AK5: variants seen among roughly 807,000 people sequenced by gnomAD.
The protein encoded by AK5 is adenylate kinase 5.
Under a neutral mutation model 69.5 loss-of-function variants are expected in AK5, and 27 were observed. The observed-to-expected ratio is 0.39, with a 90% CI of 0.29 to 0.54. The LOEUF is 0.54. AK5 is among the 20% of genes least tolerant of loss of function. The pLI is 0.71. For synonymous variants in AK5, 260 were observed against 244.4 expected, an observed-to-expected ratio of 1.06 and a Z score of -0.60; for missense variants, 531 against 700.4, an observed-to-expected ratio of 0.76 and a Z score of 2.73.
intron 8 of AK5, among the ~76,000 whole-genome samples, chr1:77,442,678 A>G (rs1652401380): frequency 6.6e-6 from 1 of 152,046 alleles, no homozygotes; most frequent in Non-Finnish European, 1.5e-5. Context: ...TTAAAATGTA[A>G]TTATTTCTTC....
At chr1:77,475,466 T>A (rs1206823001) in intron 8 of AK5, among the ~76,000 whole-genome samples, 1 of 2,430 alleles carries the variant, frequency 4.1e-4, no homozygotes, top group East Asian at 0.02. Context: ...AAATATATAT[T>A]ATATATGTAT....
At chr1:77,412,263 T>C (rs1216268887) in intron 7 of AK5, among the ~76,000 whole-genome samples, 1 of 152,144 alleles carries the variant, frequency 6.6e-6, no homozygotes, top group East Asian at 1.9e-4. Context: ...CTGGTTTCTG[T>C]ACCAATAGGA....
chr1:77,499,026 A>G (rs1656534163), intron 10 of AK5, among the ~76,000 whole-genome samples: 1 of 152,204 alleles, frequency 6.6e-6, no homozygotes, highest in Non-Finnish European at 1.5e-5. Context: ...TAGCTGACAC[A>G]TTCTTGCAGT....
chr1:77,337,768 C>T (rs767713266), intron 5 of AK5, among the ~76,000 whole-genome samples: 18 of 151,984 alleles, frequency 1.2e-4, no homozygotes, highest in South Asian at 4.1e-4. Context: ...TACTTTGCAG[C>T]GGGGAAAACT....
intron 12 of AK5, among the ~76,000 whole-genome samples, chr1:77,528,519 C>T (rs556199769): frequency 1.3e-5 from 2 of 152,284 alleles, no homozygotes; most frequent in South Asian, 2.1e-4. Context: ...CATATGACAT[C>T]GCTAAAAATC....
rs1417977401 is a variant in AK5, at chr1:77,368,232, TATATATATA to T, written c.891+27665_891+27673del. Among the ~76,000 whole-genome samples, 3 of 26,916 alleles carry T rather than the reference TATATATATA, an allele frequency of 1.1e-4. 1 individual carries two copies. Among genetic ancestry groups the T allele is most frequent in the African/African-American group, 2.7e-4 (3 of 11,258 alleles). The allele number at this position is 26,916 out of a possible 152,430, so 17.7% of individuals were successfully genotyped here. ...TAGAGATACTATATATATATATATA[TATATATATA>T]TATATATATATAATATATATGTTAT... On this transcript the variant is annotated intron_variant, in intron 6 of 13. Transcript: ENST00000354567.
At chr1:77,533,526 A>C (rs1163088560) in intron 12 of AK5, among the ~76,000 whole-genome samples, 8 of 149,612 alleles carry the variant, frequency 5.3e-5, no homozygotes, top group South Asian at 2.2e-4. Flanking sequence ...AAAAAAAAAA[A>C]AAAAAAAAAC....
intron 12 of AK5, among the ~76,000 whole-genome samples, chr1:77,526,263 CCTGT>C (rs1303453087): frequency 1.3e-5 from 2 of 151,960 alleles, no homozygotes; most frequent in Non-Finnish European, 2.9e-5. Flanking sequence ...TGAGAAGCTT[CCTGT>C]CTATGAGGAT....
chr1:77,399,316 C>T (rs1277361738), intron 6 of AK5, among the ~76,000 whole-genome samples: 3 of 152,154 alleles, frequency 2.0e-5, no homozygotes, highest in African/African-American at 2.4e-5. Context: ...TTCCGAACCC[C>T]GATTACCACC....
chr1:77,346,138 T>C (rs1323754893), intron 6 of AK5: 1 of 152,148 alleles, frequency 6.6e-6, no homozygotes, highest in Non-Finnish European at 1.5e-5. Context: ...CTGAGTAGAC[T>C]GAGGAGGAGG....
intron 5 of AK5, among the ~76,000 whole-genome samples, chr1:77,303,488 A>G (rs1382099075): frequency 6.6e-6 from 1 of 152,206 alleles, no homozygotes; most frequent in Non-Finnish European, 1.5e-5. Context: ...TGCTTTATAT[A>G]TTTGCAAATC....
At chr1:77,467,944 A>G (rs561938587) in intron 8 of AK5, among the ~76,000 whole-genome samples, 2 of 152,294 alleles carry the variant, frequency 1.3e-5, no homozygotes, top group African/African-American at 2.4e-5. Flanking sequence ...AAGCACAGGA[A>G]AGGAATGGCT....
chr1:77,305,464 T>C (rs1487963302), intron 5 of AK5, among the ~76,000 whole-genome samples: 1 of 152,206 alleles, frequency 6.6e-6, no homozygotes, highest in Admixed American at 6.5e-5. Context: ...GTTTCATAGT[T>C]TGAGGTCTTG....
At chr1:77,518,087 CTT>C (rs1657768783) in intron 10 of AK5, among the ~76,000 whole-genome samples, 1 of 152,198 alleles carries the variant, frequency 6.6e-6, no homozygotes, top group South Asian at 2.1e-4. Flanking sequence ...AATAAAAACA[CTT>C]ATTTTTTTAA....
chr1:77,353,648 G>C (rs1157063119), intron 6 of AK5, among the ~76,000 whole-genome samples: 3 of 152,064 alleles, frequency 2.0e-5, no homozygotes, highest in African/African-American at 7.2e-5. Context: ...ATTACTCCTT[G>C]ATCCCAGTCT....
chr1:77,439,899 A>T (rs1362472737), intron 8 of AK5, among the ~76,000 whole-genome samples: 1 of 150,240 alleles, frequency 6.7e-6, no homozygotes, highest in Non-Finnish European at 1.5e-5. Context: ...GTTATTGTAA[A>T]CAGTGCTGCA....
Position 77,282,288 on chromosome 1 carries a change from C to A in AK5, c.-26C>A. On this transcript the variant is annotated 5_prime_UTR_variant, in exon 1 of 14. Coordinates refer to ENST00000354567, the MANE Select transcript of AK5 (RefSeq NM_174858.3). ...CGCAGCCCGGGAGCCTCCCCGCTTGCGCCCCAAGGCACGCGCGGCACAGCC... is the reference window on the plus strand; with the variant it reads ...CGCAGCCCGGGAGCCTCCCCGCTTGAGCCCCAAGGCACGCGCGGCACAGCC... 2 of 1,541,634 alleles carry A rather than the reference C, an allele frequency of 1.3e-6. No individual in the cohort carries two copies. The highest frequency in any genetic ancestry group is 2.5e-5 in the South Asian group (2 of 81,540).
intron 10 of AK5, among the ~76,000 whole-genome samples, chr1:77,498,278 G>A (rs942841878): frequency 6.6e-6 from 1 of 152,218 alleles, no homozygotes; most frequent in Non-Finnish European, 1.5e-5. Flanking sequence ...GGAATGGGAA[G>A]GGGTAAAGCC....
At chr1:77,298,574 C>T (rs904441578) in intron 5 of AK5, among the ~76,000 whole-genome samples, 2 of 150,996 alleles carry the variant, frequency 1.3e-5, no homozygotes, top group African/African-American at 2.4e-5. Context: ...AAGGCTGAGG[C>T]GGATGGATGG....
Sources: allele counts gnomAD v4.1 joint callset (sites outside exome capture counted in the v4.1 genomes callset), GRCh38; gene constraint gnomAD v4.1.1; transcripts MANE v1.5; gene names NCBI Gene and HGNC (gene_info 2026-07-23, HGNC 2026-07-21).